SLC8A3: variants seen among roughly 807,000 people sequenced by gnomAD.
SLC8A3 encodes sodium/calcium exchanger 3.
In SLC8A3, 37 loss-of-function variants were observed where a neutral mutation model predicts 65.4. The observed-to-expected ratio is 0.57, with a 90% CI of 0.44 to 0.74. The LOEUF (loss-of-function observed/expected upper bound fraction) is 0.74, where lower values mean the gene tolerates loss of function less well. Among genes scored for constraint, SLC8A3 ranks in the 30% least tolerant of loss-of-function variants. The probability of loss-of-function intolerance (pLI) is 0.00; values close to 1 mark genes in which losing one functional copy is unlikely to be tolerated. For missense variants in SLC8A3, 1,112 were observed against 1,172.1 expected (o/e 0.95, Z 0.75); for synonymous variants, 461 against 444.5 (o/e 1.04, Z -0.47).
At chr14:70,142,027 A>T (rs1056866023) in intron 2 of SLC8A3, among the ~76,000 whole-genome samples, 1 of 152,292 alleles carries the variant, frequency 6.6e-6, no homozygotes, top group South Asian at 2.1e-4. Context: ...CACAGAGCCC[A>T]GCTGGCCAAT....
At chr14:70,060,345 A>G (rs1389024005) in intron 3 of SLC8A3, 2 of 286,192 alleles carry the variant, frequency 7.0e-6, no homozygotes, top group Non-Finnish European at 1.4e-5. Flanking sequence ...AATCCAGGCT[A>G]AAGAGTGAGG....
chr14:70,065,470 G>A (rs1241924308), intron 2 of SLC8A3, among the ~76,000 whole-genome samples: 3 of 152,144 alleles, frequency 2.0e-5, no homozygotes, highest in Admixed American at 1.3e-4. Flanking sequence ...GAAAGGCCAT[G>A]ATGCTCTGGC....
chr14:70,073,674 T>C (rs1890213757), intron 2 of SLC8A3, among the ~76,000 whole-genome samples: 1 of 152,234 alleles, frequency 6.6e-6, no homozygotes, highest in African/African-American at 2.4e-5. Flanking sequence ...TGGATCTCTC[T>C]GTCTTGTCTT....
rs945997552 is a variant in SLC8A3, at chr14:70,044,321, T to A, written c.*1626A>T. The A allele has an allele frequency of 2.6e-5, 4 of 152,172 alleles. No individual in the cohort carries two copies. Among genetic ancestry groups the A allele is most frequent in the African/African-American group, 9.7e-5 (4 of 41,432 alleles). 9.4% of individuals were successfully genotyped at this position (152,172 alleles called of 1,614,324 possible). Reference sequence around the variant, plus strand: ...TATGACATGAGCACTGTTTCTTTTTTAATTATTTTTTTCTTAAAAAATGTG... The same window carrying A: ...TATGACATGAGCACTGTTTCTTTTTAAATTATTTTTTTCTTAAAAAATGTG... On this transcript the variant is annotated 3_prime_UTR_variant, in exon 7 of 7. Transcript: ENST00000356921.
At chr14:70,123,490 C>T (rs1470324609) in intron 2 of SLC8A3, among the ~76,000 whole-genome samples, 2 of 150,042 alleles carry the variant, frequency 1.3e-5, no homozygotes, top group Non-Finnish European at 3.0e-5. Flanking sequence ...ACTCTTGTCG[C>T]CCAGGCTGGA....
At chr14:70,106,799 C>A (rs1214569407) in intron 2 of SLC8A3, among the ~76,000 whole-genome samples, 1 of 152,086 alleles carries the variant, frequency 6.6e-6, no homozygotes, top group Non-Finnish European at 1.5e-5. Context: ...TATATTCCTA[C>A]CAAATTGTGA....
intron 1 of SLC8A3, among the ~76,000 whole-genome samples, chr14:70,181,850 G>A (rs536679107): frequency 1.3e-5 from 2 of 152,300 alleles, no homozygotes; most frequent in South Asian, 4.1e-4. Context: ...ATTGAAAGAG[G>A]AAAAGGTTGA....
chr14:70,075,141 G>A (rs150659784), intron 2 of SLC8A3, among the ~76,000 whole-genome samples: 19 of 152,060 alleles, frequency 1.2e-4, no homozygotes, highest in African/African-American at 2.9e-4. Context: ...GTGTGTGTGC[G>A]CGCATGTGTG....
At chr14:70,050,244 A>G (rs1265429034) in intron 5 of SLC8A3, among the ~76,000 whole-genome samples, 1 of 152,152 alleles carries the variant, frequency 6.6e-6, no homozygotes, top group Non-Finnish European at 1.5e-5. Context: ...GGTGATGAGA[A>G]AAGTGGGGTA....
At chr14:70,062,110 CG>C (rs1174733217) in intron 2 of SLC8A3, among the ~76,000 whole-genome samples, 6 of 692 alleles carry the variant, frequency 8.7e-3, no homozygotes, top group African/African-American at 0.045. Flanking sequence ...TTCTTTTTGG[CG>C]GGGGGCGGGG....
At chr14:70,158,953 G>T (rs1415683024) in intron 2 of SLC8A3, among the ~76,000 whole-genome samples, 1 of 152,188 alleles carries the variant, frequency 6.6e-6, no homozygotes, top group African/African-American at 2.4e-5. Flanking sequence ...CTTGCAAAAT[G>T]CTTCTAGAAT....
chr14:70,090,281 A>G (rs1005066537), intron 2 of SLC8A3, among the ~76,000 whole-genome samples: 12 of 152,170 alleles, frequency 7.9e-5, no homozygotes, highest in Non-Finnish European at 1.3e-4. Context: ...TTGATTTCCC[A>G]TTAAGGAATA....
At chr14:70,121,883 C>T (rs535954979) in intron 2 of SLC8A3, among the ~76,000 whole-genome samples, 1 of 152,190 alleles carries the variant, frequency 6.6e-6, no homozygotes, top group South Asian at 2.1e-4. Flanking sequence ...TTGATTCCTG[C>T]AGGGGCTGGG....
intron 4 of SLC8A3, 60 bp downstream of exon 4, chr14:70,051,930 G>A (rs1201790623): frequency 1.4e-6 from 2 of 1,480,962 alleles, no homozygotes; most frequent in Non-Finnish European, 1.9e-6. Context: ...AACACCCCAG[G>A]TCTTCTGCCT....
intron 2 of SLC8A3, among the ~76,000 whole-genome samples, chr14:70,093,596 C>T (rs1003954126): frequency 2.6e-5 from 4 of 152,218 alleles, no homozygotes; most frequent in Middle Eastern, 3.2e-3. Context: ...CACTTCAGGG[C>T]TGATGGGCCG....
At chr14:70,136,775 A>G (rs905504067) in intron 2 of SLC8A3, among the ~76,000 whole-genome samples, 4 of 152,232 alleles carry the variant, frequency 2.6e-5, no homozygotes, top group African/African-American at 9.6e-5. Context: ...TTCTACTAGA[A>G]TACAAGTGCC....
intron 2 of SLC8A3, among the ~76,000 whole-genome samples, 184 bp downstream of exon 2, chr14:70,166,455 C>G (rs1897164712): frequency 6.6e-6 from 1 of 152,206 alleles, no homozygotes; most frequent in Non-Finnish European, 1.5e-5. Flanking sequence ...AGTGAGAAAA[C>G]TGAAGAAGAG....
chr14:70,131,785 G>A (rs1894843568), intron 2 of SLC8A3, among the ~76,000 whole-genome samples: 1 of 152,182 alleles, frequency 6.6e-6, no homozygotes, highest in Admixed American at 6.5e-5. Context: ...AGGGACATTA[G>A]AAAAACAATC....
At chr14:70,048,425 G>C (rs1278283888) in intron 6 of SLC8A3, 2 of 579,666 alleles carry the variant, frequency 3.5e-6, no homozygotes, top group Admixed American at 6.1e-5. Flanking sequence ...ACTTACTTGG[G>C]CATGTAGCTT....
Sources: gnomAD v4.1 joint callset for allele counts (sites outside exome capture counted in the v4.1 genomes callset) on GRCh38, gnomAD v4.1.1 for gene constraint, MANE v1.5 for transcripts, NCBI Gene and HGNC (gene_info 2026-07-23, HGNC 2026-07-21) for gene names.